C4orf50: variants seen among roughly 807,000 people sequenced by gnomAD.
C4orf50 encodes the protein uncharacterized protein C4orf50.
Under a neutral mutation model 77.2 loss-of-function variants are expected in C4orf50, and 80 were observed. That is an observed-to-expected ratio of 1.04 (90% confidence interval 0.87 to 1.25). C4orf50 has a LOEUF of 1.25. Ranked by LOEUF, C4orf50 falls within the 50% of genes most tolerant of loss-of-function variation. The pLI, the probability that C4orf50 is intolerant of heterozygous loss-of-function variation, is 0.00. For missense variants in C4orf50, 1,257 were observed against 1,152.9 expected, an observed-to-expected ratio of 1.09 and a Z score of -1.31; for synonymous variants, 532 against 465.3, an observed-to-expected ratio of 1.14 and a Z score of -1.84.
At chr4:5,955,498 G>A (rs1209939461), downstream of C4orf50, among the ~76,000 whole-genome samples, 1 of 152,198 alleles carries the variant, frequency 6.6e-6, no homozygotes, top group Non-Finnish European at 1.5e-5. The surrounding 1 kb of genome is among the most constrained non-coding windows in gnomAD (Gnocchi z 5.1). Context: ...ATGTCACAGG[G>A]CTGTAATTTC....
chr4:5,944,127 C>T (rs566725787), intron 7 of C4orf50, among the ~76,000 whole-genome samples: 4 of 152,286 alleles, frequency 2.6e-5, no homozygotes, highest in East Asian at 1.9e-4. Flanking sequence ...ACAATACCTG[C>T]GCTCTGGGCA....
At chr4:5,936,616 A>G (rs1175268111) in intron 7 of C4orf50, among the ~76,000 whole-genome samples, 3 of 145,292 alleles carry the variant, frequency 2.1e-5, no homozygotes, top group Admixed American at 6.9e-5. Flanking sequence ...TAAGTTAGAT[A>G]TAGAGGTTAT....
chr4:5,988,817 C>A lies in C4orf50; in HGVS notation c.3229G>T (p.Gly1077Ter), dbSNP rs1041572525. 1 of 1,536,084 alleles carries A rather than the reference C, an allele frequency of 6.5e-7. No individual in the cohort carries two copies. Among genetic ancestry groups the A allele is most frequent in the Non-Finnish European group, 8.7e-7 (1 of 1,146,898 alleles). The change falls in exon 28 of 34, where the codon GGA becomes TGA. Residue 1077 changes from glycine to a stop codon, truncating the protein, a stop_gained. Transcript: ENST00000531445. LOFTEE classifies it high-confidence loss of function. ...AAGGCCCGGATCATGTCTTCTATTC[C>A]TAGCACGATATCCTTTATCAGCTCT... is the stretch of plus-strand genomic sequence containing the variant.
chr4:5,929,665 T>C (rs1431203317), intron 7 of C4orf50, among the ~76,000 whole-genome samples: 3 of 152,244 alleles, frequency 2.0e-5, no homozygotes, highest in Non-Finnish European at 4.4e-5. Flanking sequence ...AAGGATGCCC[T>C]GAGTAAATGC....
rs116768663 is a variant in C4orf50 at position 5,988,312 on chromosome 4, C to T, written c.3699+35G>A. The T allele has an allele frequency of 8.3e-4, 1,324 of 1,599,450 alleles. 13 individuals are homozygous for T. The African/African-American group carries it at 0.015, about 18-fold the overall frequency. On this transcript the variant is annotated intron_variant, in intron 28 of 33. Transcript: ENST00000531445. ...GGGTGGCCCCCGGAACAGAGTCATGCGTGATGAGTAAGCAGATATGCAGAC... is the reference window on the plus strand; with the variant it reads ...GGGTGGCCCCCGGAACAGAGTCATGTGTGATGAGTAAGCAGATATGCAGAC...
At position 5,995,474 on chromosome 4, in the gene C4orf50, AACACACACACACACACAC is replaced by A. The variant is rs55858229; in HGVS notation, c.964-1016_964-999del. Among the ~76,000 whole-genome samples, 264 of 134,058 alleles carry A rather than the reference AACACACACACACACACAC, an allele frequency of 2.0e-3. 1 individual carries two copies. Among genetic ancestry groups the A allele is most frequent in the Middle Eastern group, 3.8e-3 (1 of 262 alleles). 87.9% of individuals were successfully genotyped at this position (134,058 alleles called of 152,430 possible). A position where few individuals can be genotyped will look rare whatever the true frequency, so the allele number is the denominator to read the frequency against. On this transcript the variant is annotated intron_variant, in intron 25 of 33. Transcript: ENST00000531445. ...CACAGGGGAGAGGCTTGGGACTGGA[AACACACACACACACACAC>A]ACACACACACACACACACACACACA...
chr4:5,930,487 G>C (rs938756588), intron 7 of C4orf50, among the ~76,000 whole-genome samples: 1 of 152,156 alleles, frequency 6.6e-6, no homozygotes, highest in Non-Finnish European at 1.5e-5. Flanking sequence ...ACTTCATAAA[G>C]TTGCTAGAAG....
At chr4:6,003,481 C>A (rs199855178) in intron 25 of C4orf50, among the ~76,000 whole-genome samples, 1 of 90,952 alleles carries the variant, frequency 1.1e-5, no homozygotes. Flanking sequence ...TGATGGTGGT[C>A]ATGGTGATGG....
rs541205977 is a variant in C4orf50 at position 6,009,593 on chromosome 4, G to A, written c.427-1061C>T. Among the ~76,000 whole-genome samples, 48 of 152,284 alleles carry A rather than the reference G, an allele frequency of 3.2e-4. No homozygotes were observed. Among genetic ancestry groups the A allele is most frequent in the Non-Finnish European group, 5.7e-4 (39 of 68,026 alleles). On this transcript the variant is annotated intron_variant, in intron 24 of 33. Transcript: ENST00000531445. The surrounding 1 kb of genome is among the most constrained non-coding windows in gnomAD (Gnocchi z 5.6). Reference sequence around the variant, plus strand: ...CCCGGTGGAGGGATTTCAGAGCCTAGATGGTCTGCCTTTGACAGCTTTCAG... The same window carrying A: ...CCCGGTGGAGGGATTTCAGAGCCTAAATGGTCTGCCTTTGACAGCTTTCAG...
intron 7 of C4orf50, among the ~76,000 whole-genome samples, chr4:5,926,410 AC>A (rs759086951): frequency 4.3e-4 from 65 of 152,270 alleles, no homozygotes; most frequent in Admixed American, 1.2e-3. Context: ...CGGAAAGTGG[AC>A]CGCCGGATGT....
At position 5,995,517 on chromosome 4, in the gene C4orf50, A is replaced by T. The variant is rs1056000464; in HGVS notation, c.964-1041T>A. Among the ~76,000 whole-genome samples, 47 of 142,348 alleles carry T rather than the reference A, an allele frequency of 3.3e-4. No individual in the cohort carries two copies. The East Asian group carries it at 3.3e-3, about 10-fold the overall frequency. The allele number at this position is 142,348 out of a possible 152,430, so 93.4% of individuals were successfully genotyped here. A position where few individuals can be genotyped will look rare whatever the true frequency, so the allele number is the denominator to read the frequency against. On this transcript the variant is annotated intron_variant, in intron 25 of 33. Transcript: ENST00000531445. ...CACACACACACACACACACACACAC[A>T]CTCAGCTGTCACCCACCACTCACGA...
chr4:5,962,863 T>C (rs2108765258), intron 33 of C4orf50, among the ~76,000 whole-genome samples: 1 of 152,302 alleles, frequency 6.6e-6, no homozygotes, highest in South Asian at 2.1e-4. Context: ...CCTCTTCTAG[T>C]CTCCGCTCTA....
At chr4:5,925,149 G>A (rs1331299920) in intron 7 of C4orf50, among the ~76,000 whole-genome samples, 3 of 152,144 alleles carry the variant, frequency 2.0e-5, no homozygotes, top group Non-Finnish European at 4.4e-5. Flanking sequence ...AGGGAGTGGA[G>A]ACAGACTTCA....
At chr4:6,012,293 G>A (rs1722524881) in intron 23 of C4orf50, among the ~76,000 whole-genome samples, 1 of 152,108 alleles carries the variant, frequency 6.6e-6, no homozygotes, top group Admixed American at 6.5e-5. Context: ...GCTTTAACTT[G>A]GTGGTTTCAA....
chr4:6,013,325 T>C (rs1407182321), intron 23 of C4orf50, among the ~76,000 whole-genome samples: 1 of 152,112 alleles, frequency 6.6e-6, no homozygotes, highest in Non-Finnish European at 1.5e-5. Context: ...GCTGAGCACT[T>C]TCCGATGAGT....
chr4:5,950,927 A>G (rs1718688440), intron 7 of C4orf50, among the ~76,000 whole-genome samples: 1 of 152,250 alleles, frequency 6.6e-6, no homozygotes, highest in African/African-American at 2.4e-5. Context: ...TACCTACGGC[A>G]TTAAGGCAGT....
exon 34 of C4orf50, chr4:5,959,351 G>T: frequency 1.9e-6 from 3 of 1,603,556 alleles, no homozygotes; most frequent in Non-Finnish European, 2.6e-6. Context: ...TCTATGAAAT[G>T]GCTCCGGAGA....
In C4orf50 at chr4:6,007,986, C is replaced by A. The variant is rs553782369; in HGVS notation, c.963+10G>T. The A allele has an allele frequency of 7.5e-6, 3 of 398,978 alleles. No homozygotes were observed. Among genetic ancestry groups the A allele is most frequent in the Non-Finnish European group, 1.3e-5 (3 of 226,122 alleles). The allele number at this position is 398,978 out of a possible 1,614,324, so 24.7% of individuals were successfully genotyped here. ...AAAGATCATTCCTACCCTGAGTTCCCGCCACTTACCAGGCTGCAGTGACCA... is the reference window on the plus strand; with the variant it reads ...AAAGATCATTCCTACCCTGAGTTCCAGCCACTTACCAGGCTGCAGTGACCA... On this transcript the variant is annotated intron_variant, in intron 25 of 33. Coordinates refer to ENST00000531445, the Ensembl canonical transcript of C4orf50. This position sits in a 1 kb window ranked among gnomAD's most constrained non-coding sequence, Gnocchi z 4.1.
chr4:5,988,799 G>T (rs775905851), exon 28 of C4orf50: 2 of 1,536,040 alleles, frequency 1.3e-6, no homozygotes, highest in Non-Finnish European at 8.7e-7. Context: ...CTTAAGGCCC[G>T]GATCATGTCT....
Sources: gnomAD v4.1 joint callset for allele counts (sites outside exome capture counted in the v4.1 genomes callset) on GRCh38, gnomAD v4.1.1 for gene constraint, Gnocchi (gnomAD v3.1) non-coding constraint, MANE v1.5 for transcripts, NCBI Gene and HGNC (gene_info 2026-07-23, HGNC 2026-07-21) for gene names.